MGMT: variants seen among roughly 807,000 people sequenced by gnomAD.
The protein encoded by MGMT is methylated-DNA--protein-cysteine methyltransferase.
A neutral mutation model predicts 15.9 loss-of-function variants in MGMT; 14 were observed. The ratio of observed to expected loss-of-function variants is 0.88; its 90% CI spans 0.58 to 1.37. The LOEUF (loss-of-function observed/expected upper bound fraction) is 1.37, where lower values mean the gene tolerates loss of function less well. Ranked by LOEUF, MGMT falls within the 40% of genes most tolerant of loss-of-function variation. The pLI is 0.00. For synonymous variants in MGMT, 130 were observed against 118.2 expected (o/e 1.10, Z -0.65); for missense variants, 282 against 268.1 (o/e 1.05, Z -0.36).
At chr10:129,537,362 G>A (rs894114437) in intron 2 of MGMT, among the ~76,000 whole-genome samples, 7 of 152,124 alleles carry the variant, frequency 4.6e-5, no homozygotes, top group African/African-American at 1.2e-4. Flanking sequence ...AGAGCTGCAC[G>A]TTACAATCAA....
At chr10:129,735,194 A>T (rs1212128551) in intron 3 of MGMT, among the ~76,000 whole-genome samples, 1 of 151,412 alleles carries the variant, frequency 6.6e-6, no homozygotes, top group Non-Finnish European at 1.5e-5. Context: ...CTGGTCCTGG[A>T]CTCTTTTTGT....
At chr10:129,717,479 G>GTATTT (rs1308517200) in intron 3 of MGMT, 3 of 152,124 alleles carry the variant, frequency 2.0e-5, no homozygotes, top group Non-Finnish European at 4.4e-5. Flanking sequence ...CTCTTGATTT[G>GTATTT]TATTTTAATG....
intron 1 of MGMT, among the ~76,000 whole-genome samples, chr10:129,492,547 T>A (rs904058103): frequency 6.6e-6 from 1 of 152,202 alleles, no homozygotes; most frequent in South Asian, 2.1e-4. Flanking sequence ...GCAAATTGAT[T>A]GCACTTTTGG....
intron 2 of MGMT, among the ~76,000 whole-genome samples, chr10:129,572,256 T>C (rs12247555): frequency 0.48 from 73,192 of 151,994 alleles, 17,938 homozygotes; most frequent in Non-Finnish European, 0.51. Flanking sequence ...TATACAATCT[T>C]GGTGAAACTT....
At chr10:129,751,611 T>C (rs764957071) in intron 3 of MGMT, among the ~76,000 whole-genome samples, 4 of 151,936 alleles carry the variant, frequency 2.6e-5, no homozygotes, top group Non-Finnish European at 5.9e-5. Context: ...GTTTAGATTA[T>C]TGAGACCTTT....
At chr10:129,627,419 AAAAG>A (rs945274741) in intron 2 of MGMT, among the ~76,000 whole-genome samples, 10 of 121,912 alleles carry the variant, frequency 8.2e-5, no homozygotes, top group East Asian at 3.3e-4. Flanking sequence ...CTACTCAAAA[AAAAG>A]AAAGAAAGAA....
At chr10:129,682,049 C>G (rs1356784435) in intron 2 of MGMT, among the ~76,000 whole-genome samples, 2 of 152,162 alleles carry the variant, frequency 1.3e-5, no homozygotes, top group Non-Finnish European at 2.9e-5. Context: ...CACGCAGAGA[C>G]CACACACTCC....
At chr10:129,467,391 C>T in intron 1 of MGMT, 95 bp downstream of exon 1, 4 of 1,388,590 alleles carry the variant, frequency 2.9e-6, no homozygotes, top group South Asian at 1.6e-5. Flanking sequence ...CCTCACTTCG[C>T]CGTCGGGTGT....
intron 3 of MGMT, among the ~76,000 whole-genome samples, chr10:129,737,382 C>T (rs1013583087): frequency 3.3e-5 from 5 of 152,104 alleles, no homozygotes; most frequent in African/African-American, 7.2e-5. Context: ...ACGTAGTTCT[C>T]GAGCCTTGGT....
chr10:129,508,467 G>A (rs577052808), intron 1 of MGMT, among the ~76,000 whole-genome samples: 2 of 151,872 alleles, frequency 1.3e-5, no homozygotes, highest in East Asian at 3.9e-4. Flanking sequence ...GTATATCGAG[G>A]TAAATGGGTG....
At chr10:129,571,003 T>G (rs1209109073) in intron 2 of MGMT, among the ~76,000 whole-genome samples, 2 of 152,162 alleles carry the variant, frequency 1.3e-5, no homozygotes, top group African/African-American at 2.4e-5. Context: ...TTAAATTTGT[T>G]TTAGATAATC....
At chr10:129,672,440 C>T (rs537067173) in intron 2 of MGMT, among the ~76,000 whole-genome samples, 1 of 152,184 alleles carries the variant, frequency 6.6e-6, no homozygotes, top group Non-Finnish European at 1.5e-5. Flanking sequence ...TATTTTTGCT[C>T]CATTCCCTTG....
intron 1 of MGMT, among the ~76,000 whole-genome samples, chr10:129,518,140 C>T (rs958960777): frequency 2.0e-5 from 3 of 151,956 alleles, no homozygotes; most frequent in Non-Finnish European, 1.5e-5. Context: ...CGTATCTCAC[C>T]GTGTCCAGCA....
intron 3 of MGMT, among the ~76,000 whole-genome samples, chr10:129,722,088 T>G (rs749863122): frequency 6.6e-6 from 1 of 152,034 alleles, no homozygotes; most frequent in Non-Finnish European, 1.5e-5. Context: ...AAGGAATACA[T>G]TGACAGAAAG....
At chr10:129,662,652 A>G (rs1847610404) in intron 2 of MGMT, among the ~76,000 whole-genome samples, 1 of 152,112 alleles carries the variant, frequency 6.6e-6, no homozygotes, top group Non-Finnish European at 1.5e-5. Context: ...TTGGCTTGGT[A>G]AGGCAGCCCG....
intron 3 of MGMT, chr10:129,715,652 A>C (rs1251221383): frequency 1.3e-5 from 2 of 152,232 alleles, no homozygotes; most frequent in African/African-American, 4.8e-5. Flanking sequence ...AAGTAGAATT[A>C]TCTCCACTAC....
chr10:129,643,280 T>C (rs1055527276), intron 2 of MGMT, among the ~76,000 whole-genome samples: 3 of 152,112 alleles, frequency 2.0e-5, no homozygotes, highest in Non-Finnish European at 2.9e-5. Flanking sequence ...TACAAGAGAA[T>C]AGAAAGTTTG....
At chr10:129,550,889 G>C (rs1246343224) in intron 2 of MGMT, among the ~76,000 whole-genome samples, 1 of 152,194 alleles carries the variant, frequency 6.6e-6, no homozygotes, top group Non-Finnish European at 1.5e-5. Flanking sequence ...GTTCCTCCAA[G>C]TCAAGAGAAG....
intron 2 of MGMT, among the ~76,000 whole-genome samples, chr10:129,656,848 TC>T (rs1847529660): frequency 6.6e-6 from 1 of 152,108 alleles, no homozygotes; most frequent in South Asian, 2.1e-4. Flanking sequence ...AGCTTGACTT[TC>T]CCCTTTAGAT....
Sources: allele counts gnomAD v4.1 joint callset (sites outside exome capture counted in the v4.1 genomes callset), GRCh38; gene constraint gnomAD v4.1.1; transcripts MANE v1.5; gene names NCBI Gene and HGNC (gene_info 2026-07-23, HGNC 2026-07-21).